The following PHACTR2 variants were observed in gnomAD, a reference collection of about 807,000 sequenced individuals.
PHACTR2 encodes the protein chromosome 6 open reading frame 56.
A neutral mutation model predicts 76.0 loss-of-function variants in PHACTR2; 30 were observed. That is an observed-to-expected ratio of 0.39 (90% CI 0.30 to 0.54). PHACTR2 has a LOEUF of 0.54. PHACTR2 is among the 20% of genes least tolerant of loss of function. The pLI, the probability that PHACTR2 is intolerant of heterozygous loss-of-function variation, is 0.61. For missense variants in PHACTR2, 696 were observed against 781.1 expected (o/e 0.89, Z 1.30); for synonymous variants, 292 against 292.5 (o/e 1.00, Z 0.02).
chr6:143,662,308 T>A lies in PHACTR2; in HGVS notation c.14-49708T>A, dbSNP rs1776960103. Among the ~76,000 whole-genome samples the A allele has an allele frequency of 6.6e-6, 1 of 152,244 alleles. No individual in the cohort carries two copies. The highest frequency in any genetic ancestry group is 2.1e-4 in the South Asian group (1 of 4,838). Reference sequence around the variant, plus strand: ...AAGTGTGTTTTAGGAAATAACTTTATAGCTTTTTTTCCCCTATTTTAAAAT... The same window carrying A: ...AAGTGTGTTTTAGGAAATAACTTTAAAGCTTTTTTTCCCCTATTTTAAAAT... On this transcript the variant is annotated intron_variant, in intron 1 of 11. Transcript: ENST00000305766. The surrounding 1 kb of genome is among the most constrained non-coding windows in gnomAD (Gnocchi z 4.7).
At position 143,783,198 on chromosome 6, in the gene PHACTR2, C is replaced by T; in HGVS notation, c.1646-21C>T. 1 of 1,548,004 alleles carries T rather than the reference C, an allele frequency of 6.5e-7. No individual in the cohort carries two copies. The highest frequency in any genetic ancestry group is 8.9e-7 in the Non-Finnish European group (1 of 1,121,816). ...TCATCTATAGTAACTGTCATCACGACTTTCCTCCTTTAATAAACAGAAAAG... is the reference window on the plus strand; with the variant it reads ...TCATCTATAGTAACTGTCATCACGATTTTCCTCCTTTAATAAACAGAAAAG... On this transcript the variant is annotated intron_variant, in intron 9 of 12. Coordinates refer to ENST00000440869, the MANE Select transcript of PHACTR2 (RefSeq NM_001100164.2). The surrounding 1 kb of genome is among the most constrained non-coding windows in gnomAD (Gnocchi z 5.2).
rs534507856 is a variant in PHACTR2, at chr6:143,738,818, G to C, written c.215-10167G>C. 4.6e-5 allele frequency among the ~76,000 whole-genome samples: 7 copies of C among 152,232 alleles called. No homozygotes were observed. The South Asian group carries it at 1.5e-3, about 32-fold the overall frequency. Reference sequence around the variant, plus strand: ...GAATGGAAATGTCTTCATTTAGGATGCTTTAGTGTCACTAAGATTTCTTTT... The same window carrying C: ...GAATGGAAATGTCTTCATTTAGGATCCTTTAGTGTCACTAAGATTTCTTTT... On this transcript the variant is annotated intron_variant, in intron 2 of 12. Transcript: ENST00000440869. The surrounding 1 kb of genome is among the most constrained non-coding windows in gnomAD (Gnocchi z 4.0).
At chr6:143,740,909 T>C (rs948945213) in intron 2 of PHACTR2, among the ~76,000 whole-genome samples, 6 of 152,184 alleles carry the variant, frequency 3.9e-5, no homozygotes, top group Non-Finnish European at 8.8e-5. Context: ...GGAAAATGTA[T>C]TTAGTCTCTG....
chr6:143,649,917 A>G (rs1209389445), intron 1 of PHACTR2, among the ~76,000 whole-genome samples: 1 of 152,218 alleles, frequency 6.6e-6, no homozygotes, highest in Non-Finnish European at 1.5e-5. Flanking sequence ...TTTGCAGATG[A>G]CATGATCCCA....
chr6:143,668,519 T>C (rs1777087562), intron 1 of PHACTR2, among the ~76,000 whole-genome samples: 1 of 152,188 alleles, frequency 6.6e-6, no homozygotes, highest in South Asian at 2.1e-4. Context: ...TGTTTTTTGG[T>C]TGGTAGGCTA....
chr6:143,692,252 C>CTTTTT (rs957984182), intron 1 of PHACTR2, among the ~76,000 whole-genome samples: 10 of 152,140 alleles, frequency 6.6e-5, no homozygotes, highest in Admixed American at 6.5e-4. Context: ...TCAATTTCAT[C>CTTTTT]TATTATAAAG....
In PHACTR2 at chr6:143,784,036, G is replaced by GAAA. The variant is rs57666805; in HGVS notation, c.1707+765_1707+767dup. Among the ~76,000 whole-genome samples, 5 of 144,340 alleles carry GAAA rather than the reference G, an allele frequency of 3.5e-5. No individual in the cohort carries two copies. The highest frequency in any genetic ancestry group is 1.4e-4 in the Admixed American group (2 of 14,546). 94.7% of individuals were successfully genotyped at this position (144,340 alleles called of 152,430 possible). A position where few individuals can be genotyped will look rare whatever the true frequency, so the allele number is the denominator to read the frequency against. On this transcript the variant is annotated intron_variant, in intron 10 of 12. Transcript: ENST00000440869. This position sits in a 1 kb window ranked among gnomAD's most constrained non-coding sequence, Gnocchi z 4.5. ...ATTAATCTCGCTTGATTAGAACAAT[G>GAAA]AAAAAAAAAAAGAAAAAAAGAAGTG... is the stretch of plus-strand genomic sequence containing the variant.
rs1317253569 is a variant in PHACTR2, at chr6:143,617,587, A to G, written c.13+9265A>G. 6.6e-6 allele frequency among the ~76,000 whole-genome samples: 1 copy of G among 152,200 alleles called. No homozygotes were observed. Among genetic ancestry groups the G allele is most frequent in the Non-Finnish European group, 1.5e-5 (1 of 68,030 alleles). On this transcript the variant is annotated intron_variant, in intron 1 of 11. Coordinates refer to the PHACTR2 transcript ENST00000305766. This position sits in a 1 kb window ranked among gnomAD's most constrained non-coding sequence, Gnocchi z 4.8. ...AGCCATGAGGGTGACAACCACTGTT[A>G]GAGTCCTCTCTCTTTCTCTCTTTTC...
chr6:143,747,594 A>C (rs1779094324), intron 2 of PHACTR2, among the ~76,000 whole-genome samples: 1 of 152,212 alleles, frequency 6.6e-6, no homozygotes, highest in Non-Finnish European at 1.5e-5. Flanking sequence ...CAGGATTTGC[A>C]GATAATGAGC....
At chr6:143,604,607 T>A (rs1775847581), upstream of PHACTR2, among the ~76,000 whole-genome samples, 1 of 152,246 alleles carries the variant, frequency 6.6e-6, no homozygotes, top group African/African-American at 2.4e-5. Flanking sequence ...TGTGACCCAG[T>A]GCACTGGCTC....
intron 1 of PHACTR2, among the ~76,000 whole-genome samples, chr6:143,573,665 A>G (rs568397265): frequency 8.6e-5 from 13 of 151,180 alleles, no homozygotes; most frequent in Non-Finnish European, 1.6e-4. Context: ...TGTGCATTCT[A>G]TCATGTTATT....
chr6:143,818,410 A>G lies in PHACTR2; in HGVS notation c.1923-5264A>G, dbSNP rs1391315897. On this transcript the variant is annotated intron_variant, in intron 12 of 12. Transcript: ENST00000440869. This position sits in a 1 kb window ranked among gnomAD's most constrained non-coding sequence, Gnocchi z 4.9. ...GTTTCCACATCTGTACAAAGATGAT[A>G]TAGGAGTACTTTCATCGTAAGATTG... 2.0e-5 allele frequency among the ~76,000 whole-genome samples: 3 copies of G among 152,208 alleles called. No individual in the cohort carries two copies. Among genetic ancestry groups the G allele is most frequent in the South Asian group, 2.1e-4 (1 of 4,836 alleles).
rs528717296 is a variant in PHACTR2 at position 143,589,363 on chromosome 6, T to C, written c.217+52156T>C. Among the ~76,000 whole-genome samples the C allele has an allele frequency of 6.6e-6, 1 of 152,170 alleles. No homozygotes were observed. Among genetic ancestry groups the C allele is most frequent in the Non-Finnish European group, 1.5e-5 (1 of 68,018 alleles). On this transcript the variant is annotated intron_variant, in intron 1 of 11. Coordinates refer to the PHACTR2 transcript ENST00000367584. The surrounding 1 kb of genome is among the most constrained non-coding windows in gnomAD (Gnocchi z 4.4). ...TAAAAGTGTGGGGCACCTCACCCTT[T>C]GCTCTCTTCCTCCTGCTCCAGCCAT...
Position 143,739,315 on chromosome 6 carries a change from G to T in PHACTR2, c.215-9670G>T, listed in dbSNP as rs919694220. 1.5e-4 allele frequency among the ~76,000 whole-genome samples: 23 copies of T among 152,106 alleles called. No individual in the cohort carries two copies. The highest frequency in any genetic ancestry group is 5.6e-4 in the African/African-American group (23 of 41,426). On this transcript the variant is annotated intron_variant, in intron 2 of 12. Coordinates refer to ENST00000440869, the MANE Select transcript of PHACTR2 (RefSeq NM_001100164.2). This position sits in a 1 kb window ranked among gnomAD's most constrained non-coding sequence, Gnocchi z 4.3. ...GCTGACCTCATGATCCACCAGCCTC[G>T]GCATCCCAAAGTGCTGGGATTACAG...
At chr6:143,706,995 C>A (rs1026058286) in intron 1 of PHACTR2, among the ~76,000 whole-genome samples, 3 of 152,140 alleles carry the variant, frequency 2.0e-5, no homozygotes, top group Admixed American at 2.0e-4. Context: ...GAGAAAGAGA[C>A]CTCATGTAAA....
chr6:143,710,149 G>T lies in PHACTR2; in HGVS notation c.47-1867G>T, dbSNP rs1778142771. 6.6e-6 allele frequency among the ~76,000 whole-genome samples: 1 copy of T among 152,098 alleles called. No individual in the cohort carries two copies. Among genetic ancestry groups the T allele is most frequent in the Non-Finnish European group, 1.5e-5 (1 of 68,022 alleles). ...TAGAGAGTGCAGACGTTTGTGGTCT[G>T]TGCCCATTGGTGTTTCTGGGTTGCT... On this transcript the variant is annotated intron_variant, in intron 1 of 12. Transcript: ENST00000440869. The surrounding 1 kb of genome is among the most constrained non-coding windows in gnomAD (Gnocchi z 4.9).
rs980541989 is a variant in PHACTR2, at chr6:143,708,711, C to T, written c.47-3305C>T. Among the ~76,000 whole-genome samples, 1 of 152,192 alleles carries T rather than the reference C, an allele frequency of 6.6e-6. No homozygotes were observed. The highest frequency in any genetic ancestry group is 1.5e-5 in the Non-Finnish European group (1 of 68,028). On this transcript the variant is annotated intron_variant, in intron 1 of 12. Coordinates refer to ENST00000440869, the MANE Select transcript of PHACTR2 (RefSeq NM_001100164.2). The surrounding 1 kb of genome is among the most constrained non-coding windows in gnomAD (Gnocchi z 5.5). The stretch of plus-strand genomic sequence containing the variant: ...CTCAAAAGCAGATGACAGTGGTCCT[C>T]ACATTCATGATTTAAGAGAAGTACA...
At chr6:143,747,362 C>T (rs1290015400) in intron 2 of PHACTR2, among the ~76,000 whole-genome samples, 1 of 152,236 alleles carries the variant, frequency 6.6e-6, no homozygotes, top group Non-Finnish European at 1.5e-5. Context: ...TTAAGGAAGA[C>T]TTTCATGCAC....
At chr6:143,651,243 G>C (rs1454558536) in intron 1 of PHACTR2, among the ~76,000 whole-genome samples, 1 of 152,148 alleles carries the variant, frequency 6.6e-6, no homozygotes, top group Non-Finnish European at 1.5e-5. Context: ...CTCTTGGTGG[G>C]AGTGTGAATT....
Sources: allele counts gnomAD v4.1 joint callset (sites outside exome capture counted in the v4.1 genomes callset), GRCh38; gene constraint gnomAD v4.1.1; non-coding constraint Gnocchi (gnomAD v3.1); transcripts MANE v1.5; gene names NCBI Gene and HGNC (gene_info 2026-07-23, HGNC 2026-07-21).